TLN2: variants seen among roughly 807,000 people sequenced by gnomAD.
The protein encoded by TLN2 is talin-2.
A neutral mutation model predicts 294.7 loss-of-function variants in TLN2; 118 were observed. The observed-to-expected ratio is 0.40, with a 90% confidence interval of 0.34 to 0.47. The LOEUF (loss-of-function observed/expected upper bound fraction) is 0.47. TLN2 is among the 20% of genes least tolerant of loss of function. The pLI is 0.84. For synonymous variants in TLN2, 1,431 were observed against 1,304.5 expected (o/e 1.10, Z -2.09); for missense variants, 3,083 against 3,282.2 (o/e 0.94, Z 1.48).
At chr15:62,395,017 A>C (rs2032417411) in intron 1 of TLN2, among the ~76,000 whole-genome samples, 1 of 152,154 alleles carries the variant, frequency 6.6e-6, no homozygotes, top group East Asian at 1.9e-4. Context: ...ACAAGGAATG[A>C]ACATTTGTAT....
intron 9 of TLN2, among the ~76,000 whole-genome samples, chr15:62,667,016 A>G (rs1310787878): frequency 6.6e-6 from 1 of 151,980 alleles, no homozygotes; most frequent in Non-Finnish European, 1.5e-5. Context: ...CCCAGGCTGG[A>G]GTGCAGTGGC....
intron 37 of TLN2, among the ~76,000 whole-genome samples, chr15:62,760,047 C>T (rs1204496872): frequency 6.6e-6 from 1 of 152,164 alleles, no homozygotes; most frequent in Non-Finnish European, 1.5e-5. Context: ...CATTTACCAG[C>T]TATGTAAGTG....
At chr15:62,474,228 C>G (rs750552965) in intron 1 of TLN2, among the ~76,000 whole-genome samples, 1 of 152,212 alleles carries the variant, frequency 6.6e-6, no homozygotes, top group Non-Finnish European at 1.5e-5. Context: ...TCAGAGGGCT[C>G]ATGAATCCTT....
chr15:62,651,885 G>A lies in TLN2; in HGVS notation c.235-120G>A, dbSNP rs192038401. ...AAAGGTTTTCAAAGATGTTTTAGAA[G>A]AAAGGGAAAATCAGAGTCTACTCTG... On this transcript the variant is annotated intron_variant, in intron 5 of 58. Coordinates refer to ENST00000636159, the MANE Select transcript of TLN2 (RefSeq NM_015059.3). 1.5e-3 allele frequency: 1,823 copies of A among 1,201,606 alleles called. 4 individuals carry two copies. Among genetic ancestry groups the A allele is most frequent in the Non-Finnish European group, 1.8e-3 (1,591 of 899,310 alleles). The allele number at this position is 1,201,606 out of a possible 1,614,324, so 74.4% of individuals were successfully genotyped here.
chr15:62,475,697 G>A (rs752516918), intron 1 of TLN2, among the ~76,000 whole-genome samples: 1 of 152,092 alleles, frequency 6.6e-6, no homozygotes, highest in Admixed American at 6.6e-5. Flanking sequence ...GCTCAAATGT[G>A]AACAGTTCTT....
At chr15:62,464,855 T>C (rs887552611) in intron 1 of TLN2, among the ~76,000 whole-genome samples, 4 of 152,190 alleles carry the variant, frequency 2.6e-5, no homozygotes, top group African/African-American at 9.7e-5. Context: ...CCATTCCTTC[T>C]GATGGCTGAG....
intron 1 of TLN2, among the ~76,000 whole-genome samples, chr15:62,464,112 A>T (rs4775506): frequency 0.012 from 1,875 of 152,354 alleles, 19 homozygotes; most frequent in Non-Finnish European, 0.018. Flanking sequence ...TACTATGAAG[A>T]CACACACAAA....
At chr15:62,622,035 C>T (rs1444208073) in intron 3 of TLN2, among the ~76,000 whole-genome samples, 1 of 151,736 alleles carries the variant, frequency 6.6e-6, no homozygotes, top group Non-Finnish European at 1.5e-5. Context: ...CCTTCCCCGG[C>T]AGTGCCATGT....
At chr15:62,480,292 C>T (rs992410205) in intron 1 of TLN2, among the ~76,000 whole-genome samples, 10 of 152,186 alleles carry the variant, frequency 6.6e-5, no homozygotes, top group African/African-American at 1.9e-4. Flanking sequence ...CAGCTCACTG[C>T]GACCTCTGCC....
At chr15:62,644,037 G>A (rs1374246664) in intron 3 of TLN2, among the ~76,000 whole-genome samples, 1 of 151,936 alleles carries the variant, frequency 6.6e-6, no homozygotes, top group Non-Finnish European at 1.5e-5. Flanking sequence ...CTGAGCTACC[G>A]CCTGTTCCTC....
intron 54 of TLN2, 124 bp from the exon 55 acceptor site, chr15:62,833,380 T>C (rs534408875): frequency 2.2e-6 from 3 of 1,358,834 alleles, no homozygotes; most frequent in African/African-American, 2.9e-5. Flanking sequence ...CCATTTCAGG[T>C]GTGGTTTGTC....
At chr15:62,752,980 G>C (rs1227683816) in intron 35 of TLN2, among the ~76,000 whole-genome samples, 7 of 152,134 alleles carry the variant, frequency 4.6e-5, no homozygotes, top group Non-Finnish European at 8.8e-5. Flanking sequence ...CTTGAACCTA[G>C]AAGATTTTAC....
At position 62,673,560 on chromosome 15, in the gene TLN2, G is replaced by T. The variant is rs1165929771; in HGVS notation, c.789-267G>T. 2.3e-4 allele frequency among the ~76,000 whole-genome samples: 6 copies of T among 25,798 alleles called. No individual in the cohort carries two copies. In the South Asian group the frequency reaches 0.013, roughly 55 times the overall value. The allele number at this position is 25,798 out of a possible 152,430, so 16.9% of individuals were successfully genotyped here. On this transcript the variant is annotated intron_variant, in intron 9 of 58. Transcript: ENST00000636159. ...AAAAGATAGCATACTATATACTCTT[G>T]TGCTCTTTTTTTTTTTTTTCACTTT...
At chr15:62,521,195 C>T (rs2040439873) in intron 1 of TLN2, among the ~76,000 whole-genome samples, 1 of 151,970 alleles carries the variant, frequency 6.6e-6, no homozygotes, top group Admixed American at 6.6e-5. Context: ...AATTGTAGAT[C>T]ACATCCCACC....
intron 46 of TLN2, 49 bp downstream of exon 46, chr15:62,792,836 C>G (rs903555442): frequency 1.9e-6 from 3 of 1,604,858 alleles, no homozygotes; most frequent in Non-Finnish European, 2.5e-6. Context: ...CGCTGGCTCT[C>G]AGTGATCCGC....
intron 2 of TLN2, among the ~76,000 whole-genome samples, chr15:62,596,204 G>T (rs1218835899): frequency 6.9e-6 from 1 of 145,772 alleles, no homozygotes; most frequent in Non-Finnish European, 1.5e-5. Flanking sequence ...GGCGGAGCTT[G>T]CAGTGAGCCG....
intron 1 of TLN2, among the ~76,000 whole-genome samples, chr15:62,518,253 G>A (rs1481014578): frequency 6.6e-6 from 1 of 152,128 alleles, no homozygotes; most frequent in Non-Finnish European, 1.5e-5. Context: ...TGGTCAGGCC[G>A]GTGTTGAACT....
intron 11 of TLN2, among the ~76,000 whole-genome samples, chr15:62,679,865 TATC>T (rs2056643765): frequency 2.0e-5 from 3 of 152,204 alleles, no homozygotes. Context: ...CATGCAATTT[TATC>T]ATATTTATAG....
At chr15:62,478,733 A>T (rs769797372) in intron 1 of TLN2, among the ~76,000 whole-genome samples, 2 of 152,152 alleles carry the variant, frequency 1.3e-5, no homozygotes, top group African/African-American at 4.8e-5. Context: ...TGGGATTTCT[A>T]TGTCAAAGAC....
Sources: gnomAD v4.1 joint callset for allele counts (sites outside exome capture counted in the v4.1 genomes callset) on GRCh38, gnomAD v4.1.1 for gene constraint, MANE v1.5 for transcripts, NCBI Gene and HGNC (gene_info 2026-07-23, HGNC 2026-07-21) for gene names.